Variants in PLCL2 observed in about 807,000 individuals in gnomAD.
PLCL2 encodes phospholipase C like 2.
In PLCL2, 4 loss-of-function variants were observed where a neutral mutation model predicts 79.6. The ratio of observed to expected loss-of-function variants is 0.05; its 90% CI spans 0.02 to 0.11. The LOEUF is 0.11. Among genes scored for constraint, PLCL2 ranks in the 10% least tolerant of loss-of-function variants. The pLI is 1.00. For missense variants in PLCL2, 895 were observed against 1,291.0 expected (o/e 0.69, Z 4.70); for synonymous variants, 484 against 457.7 (o/e 1.06, Z -0.73).
intron 5 of PLCL2, among the ~76,000 whole-genome samples, chr3:17,069,663 C>A (rs1575614643): frequency 6.6e-6 from 1 of 152,196 alleles, no homozygotes; most frequent in East Asian, 1.9e-4. Context: ...CCTCATTCCC[C>A]CTGAAGTTAA....
In PLCL2 at chr3:17,083,978, A is replaced by G. The variant is rs141531934; in HGVS notation, c.3205-5755A>G. ...CAATGACATTAAAAACAGAAAATAC[A>G]TAGAGAAAAATCAGTAAAACCAAAA... is the stretch of plus-strand genomic sequence containing the variant. On this transcript the variant is annotated intron_variant, in intron 5 of 5. Transcript: ENST00000615277. Among the ~76,000 whole-genome samples the G allele has an allele frequency of 1.5e-3, 227 of 152,340 alleles. 1 individual carries two copies. Among genetic ancestry groups the G allele is most frequent in the Non-Finnish European group, 2.7e-3 (183 of 68,032 alleles).
intron 3 of PLCL2, among the ~76,000 whole-genome samples, chr3:17,036,201 C>T (rs2064653156): frequency 6.6e-6 from 1 of 152,180 alleles, no homozygotes; most frequent in African/African-American, 2.4e-5. Context: ...AATGCTCTCC[C>T]CATGTGAGAT....
At chr3:16,907,496 C>T (rs543142495) in intron 1 of PLCL2, among the ~76,000 whole-genome samples, 1 of 152,296 alleles carries the variant, frequency 6.6e-6, no homozygotes, top group East Asian at 1.9e-4. Context: ...GGACTCCTTG[C>T]CCAAATGCTG....
Position 17,009,280 on chromosome 3 carries a change from C to T in PLCL2, c.328-394C>T, listed in dbSNP as rs1320620017. ...GGATTACAGGCATGAGCCACCATGC[C>T]CGGCCAAAAAAAATTTTTTTTTGTA... On this transcript the variant is annotated intron_variant, in intron 1 of 5. Transcript: ENST00000615277. This position sits in a 1 kb window ranked among gnomAD's most constrained non-coding sequence, Gnocchi z 4.0. Among the ~76,000 whole-genome samples the T allele has an allele frequency of 2.0e-5, 3 of 152,046 alleles. No individual in the cohort carries two copies. Among genetic ancestry groups the T allele is most frequent in the Non-Finnish European group, 2.9e-5 (2 of 68,008 alleles).
chr3:16,966,803 GA>G (rs2063811862), intron 1 of PLCL2, among the ~76,000 whole-genome samples: 1 of 151,906 alleles, frequency 6.6e-6, no homozygotes, highest in Admixed American at 6.6e-5. Flanking sequence ...GTTTGCAAAT[GA>G]TTTTTTTTAC....
intron 1 of PLCL2, among the ~76,000 whole-genome samples, chr3:16,992,543 C>G (rs2064115174): frequency 6.6e-6 from 1 of 152,198 alleles, no homozygotes; most frequent in African/African-American, 2.4e-5. Context: ...GAGGCAAGAG[C>G]TGAGATTGGA....
intron 3 of PLCL2, among the ~76,000 whole-genome samples, chr3:17,019,905 T>C (rs577689956): frequency 6.6e-6 from 1 of 152,242 alleles, no homozygotes; most frequent in Admixed American, 6.5e-5. Flanking sequence ...TAAGAGAAAA[T>C]AAGGAATATG....
At chr3:16,944,786 G>A (rs1400808493) in intron 1 of PLCL2, among the ~76,000 whole-genome samples, 1 of 150,652 alleles carries the variant, frequency 6.6e-6, no homozygotes, top group African/African-American at 2.4e-5. Flanking sequence ...TTGAGACAGA[G>A]TCTCCTTCTG....
At chr3:17,008,161 A>ATAT (rs1029112199) in intron 1 of PLCL2, among the ~76,000 whole-genome samples, 7 of 152,112 alleles carry the variant, frequency 4.6e-5, no homozygotes, top group Non-Finnish European at 8.8e-5. Flanking sequence ...TAATCTATTA[A>ATAT]TATTAAGGTA....
At chr3:16,955,587 G>T (rs1387441160) in intron 1 of PLCL2, among the ~76,000 whole-genome samples, 5 of 151,924 alleles carry the variant, frequency 3.3e-5, no homozygotes, top group Admixed American at 6.6e-5. Flanking sequence ...AGCTTGATGG[G>T]GATGGCATTG....
intron 1 of PLCL2, among the ~76,000 whole-genome samples, chr3:16,950,768 C>T (rs1396730840): frequency 1.3e-5 from 2 of 152,022 alleles, no homozygotes; most frequent in Non-Finnish European, 1.5e-5. Context: ...AAATCCTTTT[C>T]TCTGCAATAA....
At chr3:16,897,689 A>T (rs1696515572) in intron 1 of PLCL2, among the ~76,000 whole-genome samples, 1 of 152,230 alleles carries the variant, frequency 6.6e-6, no homozygotes, top group Admixed American at 6.5e-5. Flanking sequence ...GTGATGCTCC[A>T]GTGCTCCGCC....
intron 1 of PLCL2, among the ~76,000 whole-genome samples, chr3:16,891,423 T>C (rs1575512393): frequency 6.6e-6 from 1 of 152,242 alleles, no homozygotes. Context: ...CAGACTAACA[T>C]GGCCATGCTC....
At chr3:17,070,571 A>T (rs1229067736) in intron 5 of PLCL2, among the ~76,000 whole-genome samples, 1 of 152,160 alleles carries the variant, frequency 6.6e-6, no homozygotes, top group African/African-American at 2.4e-5. Flanking sequence ...AGAATTGGAA[A>T]GATCTGTGTG....
At chr3:17,079,695 A>G (rs1209028938) in intron 5 of PLCL2, among the ~76,000 whole-genome samples, 1 of 152,184 alleles carries the variant, frequency 6.6e-6, no homozygotes. Flanking sequence ...GGAAAAGTAA[A>G]ATTGTTTCTA....
chr3:16,989,197 A>G (rs1438983051), intron 1 of PLCL2, among the ~76,000 whole-genome samples: 1 of 152,206 alleles, frequency 6.6e-6, no homozygotes, highest in Non-Finnish European at 1.5e-5. Flanking sequence ...CCTCATTTAC[A>G]TATATGAATG....
intron 4 of PLCL2, among the ~76,000 whole-genome samples, chr3:17,065,577 G>C (rs1214130805): frequency 6.6e-6 from 1 of 152,186 alleles, no homozygotes; most frequent in Admixed American, 6.5e-5. Flanking sequence ...GTTCAGCAAG[G>C]CACCATAAAC....
chr3:17,088,378 C>G lies in PLCL2; in HGVS notation c.3205-1355C>G, dbSNP rs1313435630. On this transcript the variant is annotated intron_variant, in intron 5 of 5. Transcript: ENST00000615277. ...GTAAGTAGGACAAAGAAAAGTCAAA[C>G]TACAGAGGAATCATAAAGAAAATAA... is the stretch of plus-strand genomic sequence containing the variant. Among the ~76,000 whole-genome samples the G allele has an allele frequency of 7.9e-5, 12 of 151,842 alleles. No homozygotes were observed. The East Asian group carries it at 2.3e-3, about 29-fold the overall frequency.
At chr3:16,976,629 G>A (rs1207483863) in intron 1 of PLCL2, among the ~76,000 whole-genome samples, 1 of 152,160 alleles carries the variant, frequency 6.6e-6, no homozygotes, top group African/African-American at 2.4e-5. Flanking sequence ...CCTAGCCAAG[G>A]TGACACGTAA....
Sources: gnomAD v4.1 joint callset for allele counts (sites outside exome capture counted in the v4.1 genomes callset) on GRCh38, gnomAD v4.1.1 for gene constraint, Gnocchi (gnomAD v3.1) non-coding constraint, MANE v1.5 for transcripts, NCBI Gene and HGNC (gene_info 2026-07-23, HGNC 2026-07-21) for gene names.